The following CTNNA2 variants were observed in gnomAD, a reference collection of about 807,000 sequenced individuals.
The protein encoded by CTNNA2 is catenin alpha-2.
CTNNA2 carries 42 observed loss-of-function variants against 101.0 expected under a neutral mutation model. The ratio of observed to expected loss-of-function variants is 0.42; its 90% CI spans 0.32 to 0.54. The LOEUF (loss-of-function observed/expected upper bound fraction) is 0.54. Ranked by LOEUF, CTNNA2 falls within the 20% of genes least tolerant of loss-of-function variation. The probability of loss-of-function intolerance (pLI) is 0.14; values close to 1 mark genes in which losing one functional copy is unlikely to be tolerated. For synonymous variants in CTNNA2, 450 were observed against 456.4 expected, an observed-to-expected ratio of 0.99 and a Z score of 0.18; for missense variants, 871 against 1,223.1, an observed-to-expected ratio of 0.71 and a Z score of 4.29.
chr2:80,241,418 G>A (rs745590860), intron 7 of CTNNA2, among the ~76,000 whole-genome samples: 1 of 151,584 alleles, frequency 6.6e-6, no homozygotes. Context: ...TTACTTTAAA[G>A]CATTTTAGGA....
intron 1 of CTNNA2, among the ~76,000 whole-genome samples, chr2:79,565,656 G>A (rs62140062): frequency 6.6e-6 from 1 of 152,126 alleles, no homozygotes; most frequent in Non-Finnish European, 1.5e-5. Context: ...GAAAAGAAGA[G>A]TCAAGGTTAT....
intron 6 of CTNNA2, among the ~76,000 whole-genome samples, chr2:79,881,745 C>A (rs1487727135): frequency 6.6e-6 from 1 of 151,268 alleles, no homozygotes; most frequent in Admixed American, 6.6e-5. Context: ...ACTGATGGGT[C>A]TTGACTCTTC....
At chr2:80,209,508 G>A (rs1476584577) in intron 7 of CTNNA2, among the ~76,000 whole-genome samples, 1 of 151,840 alleles carries the variant, frequency 6.6e-6, no homozygotes, top group African/African-American at 2.4e-5. Flanking sequence ...TTTTTATTGT[G>A]CCACAAATTT....
intron 2 of CTNNA2, among the ~76,000 whole-genome samples, chr2:79,730,750 G>A (rs935582465): frequency 7.9e-5 from 12 of 151,892 alleles, no homozygotes; most frequent in African/African-American, 2.9e-4. Context: ...ACAAAACCAT[G>A]AAACTCAAGG....
intron 7 of CTNNA2, among the ~76,000 whole-genome samples, chr2:79,982,227 T>TGTACACACACACATAAC (rs1558697394): frequency 3.2e-5 from 2 of 62,010 alleles, no homozygotes; most frequent in African/African-American, 1.1e-4. Context: ...TATATATATA[T>TGTACACACACACATAAC]ATATATATAT....
At chr2:79,550,628 C>A (rs1674040177) in intron 1 of CTNNA2, among the ~76,000 whole-genome samples, 1 of 152,184 alleles carries the variant, frequency 6.6e-6, no homozygotes, top group Non-Finnish European at 1.5e-5. Flanking sequence ...GTATTAAGCG[C>A]AACACTCATT....
rs1395375337 is a variant in CTNNA2, at chr2:80,647,903, T to A, written c.*31T>A. On this transcript the variant is annotated 3_prime_UTR_variant, in exon 19 of 19. Coordinates refer to ENST00000402739, the MANE Select transcript of CTNNA2 (RefSeq NM_001282597.3). ...TAGGTTTTAACAAGAAAGCTTTTTC[T>A]TTCTTTTCTTTCTTTCTTTTTCTTT... The A allele has an allele frequency of 6.6e-7, 1 of 1,526,460 alleles. No individual in the cohort carries two copies. Among genetic ancestry groups the A allele is most frequent in the Non-Finnish European group, 8.8e-7 (1 of 1,138,286 alleles). 94.6% of individuals were successfully genotyped at this position (1,526,460 alleles called of 1,614,324 possible).
chr2:79,422,327 A>G (rs891752258), intron 4 of CTNNA2, among the ~76,000 whole-genome samples: 11 of 152,128 alleles, frequency 7.2e-5, no homozygotes, highest in African/African-American at 2.4e-4. Flanking sequence ...TCCCAAAGAC[A>G]TATTTGGAAA....
intron 7 of CTNNA2, among the ~76,000 whole-genome samples, chr2:80,083,168 G>A (rs1699248883): frequency 6.6e-6 from 1 of 151,962 alleles, no homozygotes; most frequent in South Asian, 2.1e-4. Flanking sequence ...AATAGACTGG[G>A]GCTGTGAAGT....
chr2:79,440,168 A>G (rs1467363127), intron 4 of CTNNA2, among the ~76,000 whole-genome samples: 1 of 152,206 alleles, frequency 6.6e-6, no homozygotes, highest in Admixed American at 6.5e-5. Context: ...GAAGTGCCAG[A>G]AAACACACAA....
intron 7 of CTNNA2, among the ~76,000 whole-genome samples, chr2:79,973,049 C>T (rs1368379872): frequency 6.6e-6 from 1 of 152,014 alleles, no homozygotes; most frequent in Non-Finnish European, 1.5e-5. Context: ...AGAGGCCATG[C>T]AGCAACTTCA....
chr2:79,207,051 T>C (rs1674108983), intron 2 of CTNNA2, among the ~76,000 whole-genome samples: 1 of 152,206 alleles, frequency 6.6e-6, no homozygotes, highest in African/African-American at 2.4e-5. Context: ...GCAAAGTACA[T>C]TGTTTAGACA....
At chr2:79,563,333 G>A (rs1036074624) in intron 1 of CTNNA2, among the ~76,000 whole-genome samples, 9 of 151,850 alleles carry the variant, frequency 5.9e-5, no homozygotes, top group African/African-American at 2.2e-4. Context: ...CCAAGCTCTA[G>A]GTAATAACAT....
Position 80,338,044 on chromosome 2 carries a change from A to C in CTNNA2, c.1057-55167A>C, listed in dbSNP as rs779407530. ...CACTCTGTTGCCCAGGCTGGACTGC[A>C]GTAGCACAGTTTCAGCTCACTGCAA... On this transcript the variant is annotated intron_variant, in intron 7 of 18. Coordinates refer to ENST00000402739, the MANE Select transcript of CTNNA2 (RefSeq NM_001282597.3). 2.6e-5 allele frequency among the ~76,000 whole-genome samples: 4 copies of C among 151,984 alleles called. No homozygotes were observed. In the East Asian group the frequency reaches 7.8e-4, roughly 30 times the overall value.
At chr2:80,214,947 T>C (rs889788303) in intron 7 of CTNNA2, among the ~76,000 whole-genome samples, 1 of 152,170 alleles carries the variant, frequency 6.6e-6, no homozygotes, top group East Asian at 1.9e-4. Flanking sequence ...CTTGGAGCCT[T>C]TGTTCGTTTC....
At chr2:79,860,009 G>T (rs750465778) in intron 4 of CTNNA2, among the ~76,000 whole-genome samples, 11 of 152,096 alleles carry the variant, frequency 7.2e-5, no homozygotes, top group Non-Finnish European at 1.2e-4. Flanking sequence ...AGCTGAATAG[G>T]GAGTGTAAGA....
At chr2:80,076,218 TAAG>T (rs1458638247) in intron 7 of CTNNA2, among the ~76,000 whole-genome samples, 1 of 152,004 alleles carries the variant, frequency 6.6e-6, no homozygotes, top group African/African-American at 2.4e-5. Context: ...GGTGGGCTTC[TAAG>T]ATGGCATAGG....
At chr2:79,616,897 TTTTC>T (rs1678657729) in intron 1 of CTNNA2, among the ~76,000 whole-genome samples, 2 of 151,248 alleles carry the variant, frequency 1.3e-5, no homozygotes, top group African/African-American at 2.5e-5. Context: ...ATATTTAATA[TTTTC>T]TTTCTTTCTT....
At chr2:79,503,153 G>A (rs10174418) in intron 4 of CTNNA2, among the ~76,000 whole-genome samples, 3,484 of 152,200 alleles carry the variant, frequency 0.023, 166 homozygotes, top group East Asian at 0.19. Context: ...TCTGCTTCCA[G>A]TGCCTCTTCT....
Sources: allele counts gnomAD v4.1 joint callset (sites outside exome capture counted in the v4.1 genomes callset), GRCh38; gene constraint gnomAD v4.1.1; transcripts MANE v1.5; gene names NCBI Gene and HGNC (gene_info 2026-07-23, HGNC 2026-07-21).